The following TANC2 variants were observed in gnomAD, a reference collection of about 807,000 sequenced individuals.
TANC2 encodes tetratricopeptide repeat, ankyrin repeat and coiled-coil containing 2, also known as protein TANC2.
In TANC2, 26 loss-of-function variants were observed where a neutral mutation model predicts 210.5. The observed-to-expected ratio is 0.12, with a 90% CI of 0.09 to 0.17. The LOEUF (loss-of-function observed/expected upper bound fraction) is 0.17. Ranked by LOEUF, TANC2 falls within the 10% of genes least tolerant of loss-of-function variation. TANC2 has a pLI of 1.00. For missense variants in TANC2, 2,129 were observed against 2,608.9 expected, an observed-to-expected ratio of 0.82 and a Z score of 4.01; for synonymous variants, 931 against 967.1, an observed-to-expected ratio of 0.96 and a Z score of 0.69.
At chr17:63,273,168 C>T (rs1243362302) in intron 9 of TANC2, among the ~76,000 whole-genome samples, 2 of 152,048 alleles carry the variant, frequency 1.3e-5, no homozygotes, top group East Asian at 3.9e-4. Context: ...TGGTGGTAGT[C>T]CTAGCTACTC....
intron 9 of TANC2, among the ~76,000 whole-genome samples, chr17:63,308,118 A>G (rs1347316867): frequency 6.6e-6 from 1 of 152,094 alleles, no homozygotes; most frequent in Non-Finnish European, 1.5e-5. Context: ...TTATATCTCT[A>G]ATTCATATTT....
chr17:63,234,638 G>T (rs1567839425), intron 7 of TANC2, among the ~76,000 whole-genome samples: 1 of 149,632 alleles, frequency 6.7e-6, no homozygotes, highest in African/African-American at 2.5e-5. Context: ...GGTGCTAAAA[G>T]TTTTTTTTTT....
At chr17:62,973,060 ACT>A (rs776170368) in intron 1 of TANC2, among the ~76,000 whole-genome samples, 183 of 144,520 alleles carry the variant, frequency 1.3e-3, no homozygotes, top group Non-Finnish European at 2.2e-3. Flanking sequence ...ACGGCGTCTC[ACT>A]CTGTTGCCTA....
intron 26 of TANC2, among the ~76,000 whole-genome samples, chr17:63,416,460 A>G (rs775181987): frequency 2.0e-5 from 3 of 152,226 alleles, no homozygotes; most frequent in Non-Finnish European, 4.4e-5. Flanking sequence ...GTATTGATCA[A>G]TTAAAAACTC....
At chr17:63,277,286 T>A (rs1598757037) in intron 9 of TANC2, among the ~76,000 whole-genome samples, 2 of 151,978 alleles carry the variant, frequency 1.3e-5, no homozygotes, top group East Asian at 1.9e-4. Context: ...TTCTTTTTTT[T>A]TTTTTTTAAC....
intron 5 of TANC2, among the ~76,000 whole-genome samples, chr17:63,161,291 G>A (rs2040016802): frequency 6.6e-6 from 1 of 152,108 alleles, no homozygotes; most frequent in Non-Finnish European, 1.5e-5. Context: ...GAACCCAGGA[G>A]ACAGAAGTTG....
intron 15 of TANC2, among the ~76,000 whole-genome samples, chr17:63,380,340 C>G (rs2047565990): frequency 6.6e-6 from 1 of 152,302 alleles, no homozygotes; most frequent in East Asian, 1.9e-4. Context: ...CCTTTAAGAA[C>G]TCTATAACAT....
chr17:63,380,578 CT>C (rs1159288922), intron 15 of TANC2, among the ~76,000 whole-genome samples: 2 of 152,226 alleles, frequency 1.3e-5, no homozygotes, highest in African/African-American at 4.8e-5. Flanking sequence ...AGTTACTGTG[CT>C]AATTTTTCTG....
At chr17:63,179,658 T>C (rs1004468820) in intron 5 of TANC2, among the ~76,000 whole-genome samples, 2 of 152,138 alleles carry the variant, frequency 1.3e-5, no homozygotes, top group African/African-American at 2.4e-5. Context: ...AATTGGCAAG[T>C]CAAACAATTT....
chr17:63,375,409 T>C (rs2047394686), intron 14 of TANC2, among the ~76,000 whole-genome samples: 1 of 152,226 alleles, frequency 6.6e-6, no homozygotes, highest in Non-Finnish European at 1.5e-5. Flanking sequence ...CAGCATTTCT[T>C]AGTTATGGTG....
chr17:63,026,601 G>A (rs145684278), intron 2 of TANC2, among the ~76,000 whole-genome samples: 1 of 152,118 alleles, frequency 6.6e-6, no homozygotes. Context: ...AGAGAGACTG[G>A]CACACTGGTA....
intron 21 of TANC2, among the ~76,000 whole-genome samples, chr17:63,406,893 A>G (rs1427460501): frequency 6.6e-6 from 1 of 152,222 alleles, no homozygotes; most frequent in Non-Finnish European, 1.5e-5. Flanking sequence ...TCTGTAGTAG[A>G]AAAAGCTCAT....
intron 1 of TANC2, among the ~76,000 whole-genome samples, chr17:62,998,842 C>T (rs1375393878): frequency 6.6e-6 from 1 of 152,164 alleles, no homozygotes; most frequent in Non-Finnish European, 1.5e-5. Flanking sequence ...AGCAGCTATA[C>T]AGTCAAGTCT....
At chr17:63,261,545 T>C (rs2043356738) in intron 8 of TANC2, among the ~76,000 whole-genome samples, 1 of 152,182 alleles carries the variant, frequency 6.6e-6, no homozygotes, top group African/African-American at 2.4e-5. Context: ...CCAGTGCCAG[T>C]ATCTGAAGAC....
rs1311385794 is a variant in TANC2, at chr17:63,258,902, GTC to G, written c.1034-8845_1034-8844del. Among the ~76,000 whole-genome samples, 3 of 152,216 alleles carry G rather than the reference GTC, an allele frequency of 2.0e-5. No individual in the cohort carries two copies. The East Asian group carries it at 5.8e-4, about 30-fold the overall frequency. On this transcript the variant is annotated intron_variant, in intron 8 of 27. Transcript: ENST00000689528. ...CTGCCTCTCTTTTCCTCAAGCAGGAGTCCTCCCTCAAAAAGGGAATACACAGA... is the reference window on the plus strand; with the variant it reads ...CTGCCTCTCTTTTCCTCAAGCAGGAGCTCCCTCAAAAAGGGAATACACAGA...
chr17:63,058,726 G>A (rs1481816679), intron 2 of TANC2, among the ~76,000 whole-genome samples: 2 of 152,092 alleles, frequency 1.3e-5, no homozygotes, highest in Non-Finnish European at 2.9e-5. Context: ...AACGTCAGAT[G>A]GTTGTAGATG....
At chr17:63,287,458 G>A (rs1267756281) in intron 9 of TANC2, among the ~76,000 whole-genome samples, 1 of 151,728 alleles carries the variant, frequency 6.6e-6, no homozygotes, top group African/African-American at 2.4e-5. Context: ...TCTCTTTTTG[G>A]TTATCTGATG....
intron 11 of TANC2, among the ~76,000 whole-genome samples, chr17:63,324,410 A>T (rs1225697630): frequency 6.6e-6 from 1 of 152,226 alleles, no homozygotes; most frequent in Non-Finnish European, 1.5e-5. Flanking sequence ...TCAGCCAAAG[A>T]AGTAGTCATT....
chr17:63,225,318 C>G (rs550066325), intron 7 of TANC2, among the ~76,000 whole-genome samples: 13 of 152,158 alleles, frequency 8.5e-5, no homozygotes, highest in Non-Finnish European at 1.8e-4. Context: ...TCTGGTTGTT[C>G]TTTCTTAGAC....
Sources: allele counts gnomAD v4.1 joint callset (sites outside exome capture counted in the v4.1 genomes callset), GRCh38; gene constraint gnomAD v4.1.1; transcripts MANE v1.5; gene names NCBI Gene and HGNC (gene_info 2026-07-23, HGNC 2026-07-21).